Variants in PTMA observed in about 807,000 individuals in gnomAD.
PTMA encodes the protein prothymosin alpha.
PTMA carries 4 observed loss-of-function variants against 16.9 expected under a neutral mutation model. That is an observed-to-expected ratio of 0.24 (90% CI 0.12 to 0.54). PTMA has a LOEUF of 0.54. Ranked by LOEUF, PTMA falls within the 20% of genes least tolerant of loss-of-function variation. The pLI, the probability that PTMA is intolerant of heterozygous loss-of-function variation, is 0.95. For synonymous variants in PTMA, 58 were observed against 47.9 expected (o/e 1.21, Z -0.87); for missense variants, 120 against 137.7 (o/e 0.87, Z 0.64).
chr2:231,712,613 T>C lies in PTMA; in HGVS notation c.285+97T>C. On this transcript the variant is annotated intron_variant, in intron 4 of 4. Coordinates refer to ENST00000409115, the MANE Select transcript of PTMA (RefSeq NM_002823.5). ...AAGCTGCGGAGGGACTGTTTCTGAC[T>C]TTGTAGGTGGCCACTGTGTGGTCCT... 8 of 1,419,964 alleles carry C rather than the reference T, an allele frequency of 5.6e-6. 1 individual carries two copies. The highest frequency in any genetic ancestry group is 1.8e-4 in the Middle Eastern group (1 of 5,714). 88.0% of individuals were successfully genotyped at this position (1,419,964 alleles called of 1,614,324 possible).
chr2:231,712,005 C>G, intron 3 of PTMA, 22 bp downstream of exon 3: 1 of 1,554,690 alleles, frequency 6.4e-7, no homozygotes, highest in South Asian at 1.2e-5. Flanking sequence ...TGTCTATCTT[C>G]CCCTTTTCAG....
At chr2:231,712,068 CTGGGAG>C (rs1412231408) in intron 3 of PTMA, 85 bp downstream of exon 3, 1 of 1,543,562 alleles carries the variant, frequency 6.5e-7, no homozygotes, top group African/African-American at 1.4e-5. Context: ...ATTGGGGCTC[CTGGGAG>C]TGGGACAATG....
intron 3 of PTMA, 102 bp from the exon 4 acceptor site, chr2:231,712,341 G>T: frequency 8.0e-7 from 1 of 1,252,520 alleles, no homozygotes. Context: ...AGGCAGTAGA[G>T]GCAGGGCAGG....
chr2:231,708,820 C>T lies in PTMA; in HGVS notation c.45+69C>T, dbSNP rs2048474208. ...CGCTCGGGCGGTGTTTGGCGCGCAG[C>T]AGCTGGACTGTCTCAAGCCCGCTGT... On this transcript the variant is annotated intron_variant, in intron 1 of 4. Transcript: ENST00000409115. 5 of 1,543,186 alleles carry T rather than the reference C, an allele frequency of 3.2e-6. 1 individual carries two copies. Among genetic ancestry groups the T allele is most frequent in the Admixed American group, 3.6e-5 (2 of 56,116 alleles).
intron 1 of PTMA, 67 bp downstream of exon 1, chr2:231,708,818 A>C: frequency 6.4e-7 from 1 of 1,551,652 alleles, no homozygotes; most frequent in Non-Finnish European, 8.7e-7. Flanking sequence ...TTTGGCGCGC[A>C]GCAGCTGGAC....
At chr2:231,709,163 G>GCGCGGGCCGGC (rs2048482565) in intron 1 of PTMA, among the ~76,000 whole-genome samples, 1 of 152,142 alleles carries the variant, frequency 6.6e-6, no homozygotes, top group South Asian at 2.1e-4. Flanking sequence ...GCGTGTTGGG[G>GCGCGGGCCGGC]CGCGGGCCGG....
In PTMA at chr2:231,712,492, C is replaced by T; in HGVS notation, c.261C>T (p.Gly87=). The part of the protein sequence containing the change: ...DEDEEAESAT[G]KRAAEDDEDD... ...ATGAGGAAGCTGAGTCAGCTACGGG[C>T]AAGCGGGCAGCTGAAGATGATGAGG... Residue 87 remains glycine, a synonymous_variant, in exon 4 of 5, where the codon GGC becomes GGT. Coordinates refer to ENST00000409115, the MANE Select transcript of PTMA (RefSeq NM_002823.5). 6.2e-7 allele frequency: 1 copy of T among 1,614,144 alleles called. No individual in the cohort carries two copies. Among genetic ancestry groups the T allele is most frequent in the Non-Finnish European group, 8.5e-7 (1 of 1,180,020 alleles).
At chr2:231,710,578 G>A (rs2048505145) in intron 1 of PTMA, 1 of 531,340 alleles carries the variant, frequency 1.9e-6, no homozygotes, top group Non-Finnish European at 3.5e-6. Flanking sequence ...CCGGACGCCG[G>A]ACCTCTGTTG....
chr2:231,709,122 A>G (rs2048481295), intron 1 of PTMA, among the ~76,000 whole-genome samples: 1 of 152,160 alleles, frequency 6.6e-6, no homozygotes, highest in Admixed American at 6.5e-5. Flanking sequence ...TTGAAACTCA[A>G]GCGCGTTGGG....
intron 1 of PTMA, among the ~76,000 whole-genome samples, chr2:231,709,227 C>T (rs2048483456): frequency 6.6e-6 from 1 of 152,206 alleles, no homozygotes; most frequent in African/African-American, 2.4e-5. Flanking sequence ...TGTTCGGCGC[C>T]AGGCCGGCGG....
At chr2:231,710,700 C>T (rs762486219) in intron 1 of PTMA, 1 of 394,074 alleles carries the variant, frequency 2.5e-6, no homozygotes, top group South Asian at 1.8e-5. Context: ...CCCTAGCCGC[C>T]GCGGGGAGGC....
At position 231,712,664 on chromosome 2, in the gene PTMA, G is replaced by C. The variant is rs1040195704; in HGVS notation, c.286-140G>C. On this transcript the variant is annotated intron_variant, in intron 4 of 4. Transcript: ENST00000409115. The stretch of plus-strand genomic sequence containing the variant: ...GAATCTTAAGAACAGGAAGGAAACA[G>C]GGCTGGGCTCAACTTCCCAGAGGCC... 4.1e-5 allele frequency: 54 copies of C among 1,320,342 alleles called. No individual in the cohort carries two copies. The African/African-American group carries it at 8.0e-4, about 19-fold the overall frequency. The allele number at this position is 1,320,342 out of a possible 1,614,324, so 81.8% of individuals were successfully genotyped here.
chr2:231,708,900 C>G, intron 1 of PTMA, 149 bp downstream of exon 1: 4 of 1,018,532 alleles, frequency 3.9e-6, no homozygotes, highest in Non-Finnish European at 5.6e-6. Flanking sequence ...TCAGGCAGCC[C>G]ACTCTTTGTG....
chr2:231,710,510 G>C, intron 1 of PTMA: 2 of 947,556 alleles, frequency 2.1e-6, no homozygotes, highest in Non-Finnish European at 3.0e-6. Context: ...CGGACTGAGA[G>C]GGCCGACAGG....
At position 231,713,230 on chromosome 2, in the gene PTMA, T is replaced by A; in HGVS notation, c.*379T>A. Reference sequence around the variant, plus strand: ...GCGTTCTCTGTCCTACTTCTGACTTTACTTGTGGTGTGACCATGTTCATTA... The same window carrying A: ...GCGTTCTCTGTCCTACTTCTGACTTAACTTGTGGTGTGACCATGTTCATTA... On this transcript the variant is annotated 3_prime_UTR_variant, in exon 5 of 5. Coordinates refer to ENST00000409115, the MANE Select transcript of PTMA (RefSeq NM_002823.5). 1 of 464,202 alleles carries A rather than the reference T, an allele frequency of 2.2e-6. No homozygotes were observed. Among genetic ancestry groups the A allele is most frequent in the South Asian group, 1.6e-5 (1 of 60,956 alleles). 28.8% of individuals were successfully genotyped at this position (464,202 alleles called of 1,614,324 possible).
chr2:231,711,477 G>T (rs1559288069), intron 2 of PTMA, 58 bp downstream of exon 2: 4 of 1,530,512 alleles, frequency 2.6e-6, no homozygotes, highest in African/African-American at 2.7e-5. Context: ...AATTTTTCCT[G>T]TTCTACTTTA....
chr2:231,712,350 G>GGGACCTTGC, intron 3 of PTMA, 93 bp from the exon 4 acceptor site: 3 of 1,318,854 alleles, frequency 2.3e-6, no homozygotes, highest in Non-Finnish European at 3.2e-6. Flanking sequence ...AGGCAGGGCA[G>GGGACCTTGC]GGACCTTGCA....
intron 1 of PTMA, chr2:231,710,515 G>T (rs1475676530): frequency 1.1e-6 from 1 of 911,500 alleles, no homozygotes; most frequent in Non-Finnish European, 1.6e-6. Context: ...TGAGAGGGCC[G>T]ACAGGTGGCC....
chr2:231,712,376 C>G, intron 3 of PTMA, 67 bp from the exon 4 acceptor site: 1 of 1,528,358 alleles, frequency 6.5e-7, no homozygotes, highest in Non-Finnish European at 9.1e-7. Context: ...CTACATGTTC[C>G]TCGGGATTTC....
Sources: allele counts gnomAD v4.1 joint callset (sites outside exome capture counted in the v4.1 genomes callset), GRCh38; gene constraint gnomAD v4.1.1; transcripts MANE v1.5; gene names NCBI Gene and HGNC (gene_info 2026-07-23, HGNC 2026-07-21).